The following MAGI1 variants were observed in gnomAD, a reference collection of about 807,000 sequenced individuals.
MAGI1 encodes the protein membrane-associated guanylate kinase, WW and PDZ domain-containing protein 1.
A neutral mutation model predicts 139.9 loss-of-function variants in MAGI1; 58 were observed. The observed-to-expected ratio is 0.41, with a 90% CI of 0.34 to 0.52. MAGI1 has a LOEUF of 0.52. Among genes scored for constraint, MAGI1 ranks in the 20% least tolerant of loss-of-function variants. MAGI1 has a pLI of 0.12. For synonymous variants in MAGI1, 812 were observed against 737.9 expected (o/e 1.10, Z -1.63); for missense variants, 1,874 against 1,901.6 (o/e 0.99, Z 0.27).
intron 5 of MAGI1, among the ~76,000 whole-genome samples, chr3:65,466,805 C>A (rs1208487778): frequency 1.3e-5 from 2 of 152,242 alleles, no homozygotes; most frequent in Non-Finnish European, 2.9e-5. Context: ...CAGCTCTACA[C>A]TTGGCCTTTT....
intron 1 of MAGI1, among the ~76,000 whole-genome samples, chr3:65,851,474 C>T (rs1202875825): frequency 3.9e-5 from 6 of 152,108 alleles, no homozygotes; most frequent in African/African-American, 1.2e-4. Flanking sequence ...GGTTGCCAGG[C>T]GCGGTGGCTC....
intron 1 of MAGI1, among the ~76,000 whole-genome samples, chr3:65,947,097 T>G (rs867342804): frequency 1.3e-5 from 2 of 152,210 alleles, no homozygotes; most frequent in South Asian, 4.1e-4. Flanking sequence ...CTGAATAACT[T>G]ATAAACAAAT....
intron 2 of MAGI1, among the ~76,000 whole-genome samples, chr3:65,614,939 T>C (rs575693839): frequency 5.9e-5 from 9 of 151,910 alleles, no homozygotes; most frequent in Non-Finnish European, 5.9e-5. Flanking sequence ...GGAGGATCAC[T>C]TGAGCCCAGG....
In MAGI1 at chr3:65,883,870, T is replaced by C. The variant is rs930321288; in HGVS notation, c.313+154126A>G. Among the ~76,000 whole-genome samples, 4 of 152,184 alleles carry C rather than the reference T, an allele frequency of 2.6e-5. No individual in the cohort carries two copies. The South Asian group carries it at 8.3e-4, about 32-fold the overall frequency. On this transcript the variant is annotated intron_variant, in intron 1 of 22. Coordinates refer to ENST00000402939, the MANE Select transcript of MAGI1 (RefSeq NM_001033057.2). ...CAAAATGTCACTCCCCCGAATAAAC[T>C]ACTGGAGCCAGAACATTTCCTGTTC... is the stretch of plus-strand genomic sequence containing the variant.
intron 5 of MAGI1, among the ~76,000 whole-genome samples, chr3:65,469,292 A>C (rs908631382): frequency 6.6e-6 from 1 of 152,178 alleles, no homozygotes; most frequent in East Asian, 1.9e-4. Context: ...CTATACGAGT[A>C]TAACAGATGA....
At chr3:65,643,284 C>A (rs767361108) in intron 1 of MAGI1, among the ~76,000 whole-genome samples, 2 of 152,136 alleles carry the variant, frequency 1.3e-5, no homozygotes, top group Non-Finnish European at 2.9e-5. Flanking sequence ...ACTTATTATT[C>A]TACTTTAAAA....
At chr3:65,534,577 C>G (rs1258894242) in intron 2 of MAGI1, among the ~76,000 whole-genome samples, 1 of 152,146 alleles carries the variant, frequency 6.6e-6, no homozygotes, top group Non-Finnish European at 1.5e-5. Flanking sequence ...GGGCAAGTGT[C>G]TGCATAACCA....
intron 5 of MAGI1, among the ~76,000 whole-genome samples, chr3:65,466,751 T>C (rs982100695): frequency 6.6e-6 from 1 of 152,222 alleles, no homozygotes; most frequent in Non-Finnish European, 1.5e-5. Context: ...ACTAAATCTA[T>C]GTGGAAATAA....
intron 1 of MAGI1, among the ~76,000 whole-genome samples, chr3:65,793,618 A>C (rs2108082067): frequency 6.6e-6 from 1 of 152,358 alleles, no homozygotes; most frequent in East Asian, 1.9e-4. Context: ...GTTGAGCCTA[A>C]GAATCTGAGT....
chr3:65,989,955 A>G (rs188888523), intron 1 of MAGI1, among the ~76,000 whole-genome samples: 15 of 152,370 alleles, frequency 9.8e-5, no homozygotes, highest in Admixed American at 9.1e-4. Flanking sequence ...AAAGTTTAAG[A>G]AGTAATTTGA....
intron 1 of MAGI1, among the ~76,000 whole-genome samples, chr3:65,899,386 A>C (rs2061122922): frequency 6.6e-6 from 1 of 152,220 alleles, no homozygotes; most frequent in Non-Finnish European, 1.5e-5. Flanking sequence ...TACTAATAAC[A>C]TGTCCCATTA....
intron 2 of MAGI1, among the ~76,000 whole-genome samples, chr3:65,545,232 T>C (rs953299202): frequency 1.3e-5 from 2 of 151,868 alleles, no homozygotes; most frequent in African/African-American, 2.4e-5. Flanking sequence ...TAAAAGAAAC[T>C]TGAGAAATGG....
At chr3:66,008,376 G>A (rs2067142342) in intron 1 of MAGI1, among the ~76,000 whole-genome samples, 2 of 152,130 alleles carry the variant, frequency 1.3e-5, no homozygotes, top group Non-Finnish European at 2.9e-5. Flanking sequence ...CTGGTGAACC[G>A]AGAGATTTCA....
At chr3:65,558,523 T>G (rs189065024) in intron 2 of MAGI1, among the ~76,000 whole-genome samples, 4 of 152,252 alleles carry the variant, frequency 2.6e-5, no homozygotes, top group Admixed American at 2.6e-4. Context: ...CAGCTGACAT[T>G]AGATCCTGTT....
At chr3:65,410,508 G>A (rs1024813730) in intron 12 of MAGI1, among the ~76,000 whole-genome samples, 3 of 152,150 alleles carry the variant, frequency 2.0e-5, no homozygotes, top group Non-Finnish European at 4.4e-5. Context: ...AGTCTACTAC[G>A]ATAAGATTAA....
chr3:65,727,660 T>C (rs2033761401), intron 1 of MAGI1, among the ~76,000 whole-genome samples: 1 of 152,212 alleles, frequency 6.6e-6, no homozygotes. Flanking sequence ...TCTAAAATAT[T>C]CCAGATGCAT....
At chr3:65,584,850 T>G (rs1234767623) in intron 2 of MAGI1, among the ~76,000 whole-genome samples, 1 of 152,202 alleles carries the variant, frequency 6.6e-6, no homozygotes, top group African/African-American at 2.4e-5. Flanking sequence ...ACCAGTTCAT[T>G]TAAATCTTTC....
intron 1 of MAGI1, among the ~76,000 whole-genome samples, chr3:65,941,956 T>G (rs1351648189): frequency 6.6e-6 from 1 of 152,134 alleles, no homozygotes; most frequent in Non-Finnish European, 1.5e-5. Flanking sequence ...TCCCAACTAT[T>G]TTTATTTTTT....
chr3:65,360,981 G>C (rs1023829374), intron 22 of MAGI1: 9 of 1,439,592 alleles, frequency 6.3e-6, no homozygotes, highest in Non-Finnish European at 8.2e-6. Flanking sequence ...GGGCTATAAA[G>C]ATCTTGTCTT....
Sources: allele counts gnomAD v4.1 joint callset (sites outside exome capture counted in the v4.1 genomes callset), GRCh38; gene constraint gnomAD v4.1.1; transcripts MANE v1.5; gene names NCBI Gene and HGNC (gene_info 2026-07-23, HGNC 2026-07-21).